MYO1D: variants seen among roughly 807,000 people sequenced by gnomAD.
MYO1D encodes the protein unconventional myosin-Id.
In MYO1D, 83 loss-of-function variants were observed where a neutral mutation model predicts 122.0. That is an observed-to-expected ratio of 0.68 (90% CI 0.57 to 0.82). The LOEUF (loss-of-function observed/expected upper bound fraction) is 0.82, where lower values mean the gene tolerates loss of function less well. Ranked by LOEUF, MYO1D falls within the 40% of genes least tolerant of loss-of-function variation. The pLI, the probability that MYO1D is intolerant of heterozygous loss-of-function variation, is 0.00. For synonymous variants in MYO1D, 464 were observed against 446.9 expected, an observed-to-expected ratio of 1.04 and a Z score of -0.48; for missense variants, 1,157 against 1,269.5, an observed-to-expected ratio of 0.91 and a Z score of 1.35.
At chr17:32,625,612 C>T (rs1038767687) in intron 20 of MYO1D, among the ~76,000 whole-genome samples, 2 of 151,706 alleles carry the variant, frequency 1.3e-5, no homozygotes, top group African/African-American at 2.4e-5. Flanking sequence ...TGCAATGGTG[C>T]GATCTTAGCT....
intron 1 of MYO1D, among the ~76,000 whole-genome samples, chr17:32,868,318 A>G (rs2091147926): frequency 6.6e-6 from 1 of 152,216 alleles, no homozygotes; most frequent in African/African-American, 2.4e-5. Flanking sequence ...ATCTTTATAG[A>G]TGAAAAAACT....
In MYO1D at chr17:32,745,272, C is replaced by A. The variant is rs2089822381; in HGVS notation, c.1552G>T (p.Gly518Cys). ...GTATCTTTATTTTTGTCAATAAAAC[C>A]AATGACAGAATAGCTAACAGGGAAA... ...YAGDVVYSVI[G>C]FIDKNKDTLF... Residue 518 changes from glycine (G) to cysteine (C), a missense_variant, in exon 13 of 22, where the codon GGT becomes TGT. Physicochemically the swap from Gly to Cys is radical, Grantham distance 159. Transcript: ENST00000318217. 2 of 1,546,600 alleles carry A rather than the reference C, an allele frequency of 1.3e-6. No individual in the cohort carries two copies. Among genetic ancestry groups the A allele is most frequent in the South Asian group, 1.1e-5 (1 of 87,816 alleles).
intron 21 of MYO1D, among the ~76,000 whole-genome samples, chr17:32,541,806 C>G (rs1455149816): frequency 6.6e-6 from 1 of 152,166 alleles, no homozygotes; most frequent in Non-Finnish European, 1.5e-5. Context: ...CTCTAACCTC[C>G]TTTTCATCCC....
At chr17:32,664,050 T>C (rs571490498) in intron 16 of MYO1D, among the ~76,000 whole-genome samples, 15 of 152,306 alleles carry the variant, frequency 9.8e-5, no homozygotes, top group East Asian at 7.7e-4. Context: ...GAAGGAAATT[T>C]TGTGAACCTG....
At chr17:32,756,491 C>T (rs1177920643) in intron 10 of MYO1D, among the ~76,000 whole-genome samples, 1 of 151,866 alleles carries the variant, frequency 6.6e-6, no homozygotes, top group Admixed American at 6.6e-5. Context: ...CAGGATAATG[C>T]CTCATCCCAA....
intron 1 of MYO1D, among the ~76,000 whole-genome samples, chr17:32,861,653 G>A (rs936643332): frequency 6.6e-6 from 1 of 151,964 alleles, no homozygotes; most frequent in Non-Finnish European, 1.5e-5. Context: ...CCCCTACTTT[G>A]CCTGCCCCAC....
At chr17:32,506,970 G>A (rs1295420321) in intron 21 of MYO1D, among the ~76,000 whole-genome samples, 2 of 152,196 alleles carry the variant, frequency 1.3e-5, no homozygotes, top group Non-Finnish European at 2.9e-5. Context: ...AACAGAGTGA[G>A]ACCCTGTCTC....
chr17:32,531,204 CA>C (rs752122210), intron 21 of MYO1D: 1 of 152,218 alleles, frequency 6.6e-6, no homozygotes, highest in Non-Finnish European at 1.5e-5. Context: ...ATTTTGAAGT[CA>C]GATAGGCTTT....
Position 32,739,306 on chromosome 17 carries a change from T to C in MYO1D, c.1614-921A>G, listed in dbSNP as rs891362865. 2.0e-5 allele frequency among the ~76,000 whole-genome samples: 3 copies of C among 152,008 alleles called. No individual in the cohort carries two copies. In the East Asian group the frequency reaches 5.8e-4, roughly 29 times the overall value. On this transcript the variant is annotated intron_variant, in intron 13 of 21. Transcript: ENST00000318217. ...GGCACATATACACCATGGAATACTA[T>C]GCAGCCATAAAAAAGGATGAGTTCA... is the stretch of plus-strand genomic sequence containing the variant.
chr17:32,777,520 T>C (rs2090186432), intron 3 of MYO1D, among the ~76,000 whole-genome samples: 1 of 152,198 alleles, frequency 6.6e-6, no homozygotes, highest in Admixed American at 6.5e-5. Flanking sequence ...ATTCATCCCT[T>C]AAGTATTTGT....
At chr17:32,635,607 T>C (rs958914540) in intron 20 of MYO1D, among the ~76,000 whole-genome samples, 6 of 151,944 alleles carry the variant, frequency 3.9e-5, no homozygotes, top group Non-Finnish European at 7.4e-5. Context: ...GCAGGAGAAT[T>C]GCTTGAACCT....
In MYO1D at chr17:32,876,835, T is replaced by A. The variant is rs2091237977; in HGVS notation, c.38A>T (p.Asp13Val). The change falls in exon 1 of 22, where the codon GAC becomes GTC. Residue 13 changes from aspartate to valine, a missense_variant. Transcript: ENST00000318217. ...GGAGACGGTGTCCATCAGCACGAAG[T>A]CTGCCTTGCCGAATTCCAGGCTCTC... ...EQESLEFGKADFVLMDTVSMP... is the reference protein window; with the variant it reads ...EQESLEFGKAVFVLMDTVSMP... 1 of 1,522,850 alleles carries A rather than the reference T, an allele frequency of 6.6e-7. No individual in the cohort carries two copies. The highest frequency in any genetic ancestry group is 1.2e-5 in the South Asian group (1 of 80,712). The allele number at this position is 1,522,850 out of a possible 1,614,324, so 94.3% of individuals were successfully genotyped here. A position where few individuals can be genotyped will look rare whatever the true frequency, so the allele number is the denominator to read the frequency against.
chr17:32,872,720 C>G (rs1314242486), intron 1 of MYO1D, among the ~76,000 whole-genome samples: 1 of 148,330 alleles, frequency 6.7e-6, no homozygotes, highest in Non-Finnish European at 1.5e-5. Flanking sequence ...GACGGAGTCT[C>G]GCTCTGTCAC....
At chr17:32,629,636 G>C (rs321161) in intron 20 of MYO1D, among the ~76,000 whole-genome samples, 74,380 of 151,612 alleles carry the variant, frequency 0.49, 18,785 homozygotes, top group African/African-American at 0.6. Flanking sequence ...CTCGGCTGAG[G>C]CAGAGAATTG....
intron 1 of MYO1D, among the ~76,000 whole-genome samples, chr17:32,831,783 T>C (rs1462425566): frequency 6.6e-6 from 1 of 152,238 alleles, no homozygotes; most frequent in African/African-American, 2.4e-5. Flanking sequence ...GGTTTACATA[T>C]TATTCTTAAA....
chr17:32,761,315 A>G (rs1220888608), intron 8 of MYO1D, among the ~76,000 whole-genome samples: 2 of 152,012 alleles, frequency 1.3e-5, no homozygotes, highest in Non-Finnish European at 1.5e-5. Context: ...TCCAGTCTCC[A>G]CTTACATCCT....
intron 19 of MYO1D, among the ~76,000 whole-genome samples, chr17:32,640,594 C>T (rs559945370): frequency 6.8e-4 from 100 of 147,670 alleles, no homozygotes; most frequent in Non-Finnish European, 1.0e-3. Context: ...TTTGTTCTTG[C>T]GATAGTTTAC....
chr17:32,549,697 T>C (rs1165956624), intron 21 of MYO1D, among the ~76,000 whole-genome samples: 1 of 152,240 alleles, frequency 6.6e-6, no homozygotes, highest in Non-Finnish European at 1.5e-5. Flanking sequence ...GCAAGGTGTG[T>C]GGTCTATGCA....
chr17:32,719,738 C>T (rs527768965), intron 15 of MYO1D, among the ~76,000 whole-genome samples: 39 of 152,294 alleles, frequency 2.6e-4, no homozygotes, highest in Admixed American at 1.4e-3. Context: ...TTAAAATCCA[C>T]CAATGGTTTT....
Sources: gnomAD v4.1 joint callset for allele counts (sites outside exome capture counted in the v4.1 genomes callset) on GRCh38, gnomAD v4.1.1 for gene constraint, MANE v1.5 for transcripts, NCBI Gene and HGNC (gene_info 2026-07-23, HGNC 2026-07-21) for gene names.